SPPL2A: variants seen among roughly 807,000 people sequenced by gnomAD.
The protein encoded by SPPL2A is signal peptide peptidase-like 2A.
In SPPL2A, 51 loss-of-function variants were observed where a neutral mutation model predicts 63.8. The ratio of observed to expected loss-of-function variants is 0.80; its 90% CI spans 0.64 to 1.01. SPPL2A has a LOEUF of 1.01. Among genes scored for constraint, SPPL2A ranks in the 50% least tolerant of loss-of-function variants. SPPL2A has a pLI of 0.00. For missense variants in SPPL2A, 553 were observed against 622.7 expected, an observed-to-expected ratio of 0.89 and a Z score of 1.19; for synonymous variants, 188 against 205.8, an observed-to-expected ratio of 0.91 and a Z score of 0.74.
intron 8 of SPPL2A, among the ~76,000 whole-genome samples, chr15:50,733,678 G>A (rs1290348009): frequency 6.6e-6 from 1 of 152,082 alleles, no homozygotes; most frequent in Non-Finnish European, 1.5e-5. Flanking sequence ...ATCACATCAA[G>A]CTAAAAGGTT....
chr15:50,754,919 T>C (rs968346717), intron 1 of SPPL2A, among the ~76,000 whole-genome samples: 3 of 144,540 alleles, frequency 2.1e-5, no homozygotes, highest in Admixed American at 6.9e-5. Flanking sequence ...GAGGCAGAGG[T>C]TGCGGTGAGC....
chr15:50,759,675 A>G (rs1185362450), intron 1 of SPPL2A, among the ~76,000 whole-genome samples: 5 of 151,950 alleles, frequency 3.3e-5, no homozygotes, highest in Admixed American at 3.3e-4. Context: ...GCCAGGAGGC[A>G]GAGGTTGCAG....
At chr15:50,744,135 C>T (rs1362327657) in intron 5 of SPPL2A, among the ~76,000 whole-genome samples, 1 of 150,020 alleles carries the variant, frequency 6.7e-6, no homozygotes, top group South Asian at 2.1e-4. Context: ...GTCAAGATTG[C>T]ACCACTGCAC....
At chr15:50,735,828 C>T (rs983032926) in intron 8 of SPPL2A, among the ~76,000 whole-genome samples, 1 of 152,060 alleles carries the variant, frequency 6.6e-6, no homozygotes, top group Non-Finnish European at 1.5e-5. Context: ...CCGCCTGCCT[C>T]GGCCTCCCAA....
At chr15:50,747,697 TC>T in intron 4 of SPPL2A, 69 bp from the exon 5 acceptor site, 1 of 1,092,032 alleles carries the variant, frequency 9.2e-7, no homozygotes, top group Non-Finnish European at 1.4e-6. Flanking sequence ...ACAGCAATAG[TC>T]CACATTTCAC....
intron 1 of SPPL2A, among the ~76,000 whole-genome samples, chr15:50,753,866 G>A (rs1053325649): frequency 2.0e-5 from 3 of 151,870 alleles, no homozygotes; most frequent in Non-Finnish European, 2.9e-5. Flanking sequence ...GCGTGATCTC[G>A]GCTCACTGCA....
chr15:50,763,882 A>G (rs1442682625), intron 1 of SPPL2A, among the ~76,000 whole-genome samples: 1 of 152,170 alleles, frequency 6.6e-6, no homozygotes, highest in East Asian at 1.9e-4. Context: ...TGGGCGACAG[A>G]GTGAGACTCC....
At position 50,758,491 on chromosome 15, in the gene SPPL2A, C is replaced by A. The variant is rs548828665; in HGVS notation, c.66+6977G>T. ...GGGACAAGAGCAGGTGCCCCCCTGG[C>A]CCATTTTTTTGTATTTTTAGTAGAG... On this transcript the variant is annotated intron_variant, in intron 1 of 14. Transcript: ENST00000261854. 1.1e-4 allele frequency among the ~76,000 whole-genome samples: 17 copies of A among 151,436 alleles called. No individual in the cohort carries two copies. The East Asian group carries it at 3.4e-3, about 30-fold the overall frequency.
intron 6 of SPPL2A, 92 bp from the exon 7 acceptor site, chr15:50,736,832 T>C (rs1038099558): frequency 1.6e-5 from 10 of 623,006 alleles, no homozygotes; most frequent in Non-Finnish European, 2.9e-5. Flanking sequence ...TTACTTTCTT[T>C]ATTGAATCAT....
intron 14 of SPPL2A, among the ~76,000 whole-genome samples, chr15:50,711,206 C>CTTTTTTTTTTTTTTTTTTTTTTTT (rs1302695528): frequency 8.6e-6 from 1 of 115,608 alleles, no homozygotes; most frequent in African/African-American, 4.4e-5. Flanking sequence ...AATTAGTATC[C>CTTTTTTTTTTTTTTTTTTTTTTTT]TTTTTTTTTT....
At chr15:50,717,012 C>G (rs1439952151) in intron 14 of SPPL2A, among the ~76,000 whole-genome samples, 1 of 152,286 alleles carries the variant, frequency 6.6e-6, no homozygotes, top group Non-Finnish European at 1.5e-5. Flanking sequence ...ACCATCCCCC[C>G]ACTCAGTTTC....
At chr15:50,761,850 A>G (rs1197162930) in intron 1 of SPPL2A, among the ~76,000 whole-genome samples, 1 of 151,878 alleles carries the variant, frequency 6.6e-6, no homozygotes, top group Non-Finnish European at 1.5e-5. Context: ...GAGAATTGCT[A>G]GAACCCAGGA....
At position 50,736,145 on chromosome 15, in the gene SPPL2A, G is replaced by A; in HGVS notation, c.888C>T (p.Cys296=). The change falls in exon 8 of 15, where the codon TGC becomes TGT. Residue 296 remains cysteine, a synonymous_variant. Coordinates refer to ENST00000261854, the MANE Select transcript of SPPL2A (RefSeq NM_032802.4). ...EVRLIFLSGL[C]IAVAVVWAVF... ...CAGCCCAAACAACAGCTACTGCTAT[G>A]CACAGTCCAGAGAGAAAAATAAGTC... 1 of 1,612,940 alleles carries A rather than the reference G, an allele frequency of 6.2e-7. No homozygotes were observed.
chr15:50,707,872 C>G lies in SPPL2A; in HGVS notation c.1491G>C (p.Met497Ile), dbSNP rs1354023338. ...TTGTTGCACAATCCAAATGGTCCAT[C>G]ATCTAGGCATAAATAAAAGACGTTA... ...KKFWKGNSYQ[M>I]MDHLDCATNE... The change falls in exon 15 of 15, where the codon ATG becomes ATC. Residue 497 changes from methionine (M) to isoleucine (I), a missense_variant and splice_region_variant. Coordinates refer to ENST00000261854, the MANE Select transcript of SPPL2A (RefSeq NM_032802.4). 1 of 1,567,194 alleles carries G rather than the reference C, an allele frequency of 6.4e-7. No individual in the cohort carries two copies. Among genetic ancestry groups the G allele is most frequent in the African/African-American group, 1.3e-5 (1 of 74,114 alleles).
At chr15:50,731,100 A>G (rs2062726899) in intron 9 of SPPL2A, 61 bp from the exon 10 acceptor site, 1 of 726,034 alleles carries the variant, frequency 1.4e-6, no homozygotes. Flanking sequence ...AAGGCATTAA[A>G]TTGTTTTTCA....
chr15:50,719,528 A>C (rs1370749262), intron 14 of SPPL2A, among the ~76,000 whole-genome samples: 1 of 152,228 alleles, frequency 6.6e-6, no homozygotes, highest in African/African-American at 2.4e-5. Flanking sequence ...TACAGGCGTG[A>C]GCCACCGTGC....
At chr15:50,749,364 T>C (rs1248800831) in intron 2 of SPPL2A, among the ~76,000 whole-genome samples, 2 of 152,166 alleles carry the variant, frequency 1.3e-5, no homozygotes, top group African/African-American at 4.8e-5. Flanking sequence ...CTCAGCTCAC[T>C]GCAAGCTCTG....
intron 6 of SPPL2A, among the ~76,000 whole-genome samples, chr15:50,737,898 C>G (rs376794068): frequency 3.3e-5 from 5 of 151,810 alleles, no homozygotes; most frequent in African/African-American, 4.8e-5. Flanking sequence ...ATGGTGAAAC[C>G]CTGTTTCTAC....
At chr15:50,739,136 A>G (rs2141042676) in intron 6 of SPPL2A, among the ~76,000 whole-genome samples, 1 of 149,634 alleles carries the variant, frequency 6.7e-6, no homozygotes, top group South Asian at 2.1e-4. Context: ...CAAGTCATCC[A>G]TGAAGAAGTG....
Sources: gnomAD v4.1 joint callset for allele counts (sites outside exome capture counted in the v4.1 genomes callset) on GRCh38, gnomAD v4.1.1 for gene constraint, MANE v1.5 for transcripts, NCBI Gene and HGNC (gene_info 2026-07-23, HGNC 2026-07-21) for gene names.